The following TRHDE variants were observed in gnomAD, a reference collection of about 807,000 sequenced individuals.
TRHDE encodes thyrotropin releasing hormone degrading enzyme, also known as thyrotropin-releasing hormone-degrading ectoenzyme.
Under a neutral mutation model 125.7 loss-of-function variants are expected in TRHDE, and 72 were observed. The ratio of observed to expected loss-of-function variants is 0.57; its 90% confidence interval spans 0.47 to 0.70. The LOEUF (loss-of-function observed/expected upper bound fraction) is 0.70. TRHDE is among the 30% of genes least tolerant of loss of function. The pLI is 0.00. For missense variants in TRHDE, 1,110 were observed against 1,327.1 expected (o/e 0.84, Z 2.54); for synonymous variants, 509 against 509.1 (o/e 1.00, Z 0.00).
intron 15 of TRHDE, among the ~76,000 whole-genome samples, chr12:72,640,242 A>G (rs1271283439): frequency 6.6e-6 from 1 of 152,330 alleles, no homozygotes; most frequent in Non-Finnish European, 1.5e-5. Context: ...AAAGCACAGT[A>G]TTCGGGTGGG....
chr12:72,515,730 A>C (rs1428661258), intron 6 of TRHDE, among the ~76,000 whole-genome samples: 1 of 151,610 alleles, frequency 6.6e-6, no homozygotes, highest in Non-Finnish European at 1.5e-5. Flanking sequence ...CCTATGTCCT[A>C]AATGGTAATG....
Position 72,335,046 on chromosome 12 carries a change from C to T in TRHDE, c.1189-42949C>T, listed in dbSNP as rs76534729. Among the ~76,000 whole-genome samples the T allele has an allele frequency of 9.7e-4, 148 of 152,312 alleles. 2 individuals carry two copies. In the East Asian group the frequency reaches 0.021, roughly 22 times the overall value. ...TAGGCAGGAGAGATGCCTCTAAGTT[C>T]TTACCTCTGGCCACAGCCTAATCCA... On this transcript the variant is annotated intron_variant, in intron 2 of 18. Coordinates refer to ENST00000261180, the MANE Select transcript of TRHDE (RefSeq NM_013381.3).
chr12:72,146,823 C>T (rs1317561039), intron 2 of TRHDE, among the ~76,000 whole-genome samples: 2 of 152,244 alleles, frequency 1.3e-5, no homozygotes, highest in Non-Finnish European at 2.9e-5. Context: ...AGCTGTTGCC[C>T]AGCATCCCGC....
intron 5 of TRHDE, among the ~76,000 whole-genome samples, chr12:72,480,222 C>G (rs1163925037): frequency 6.7e-6 from 1 of 150,356 alleles, no homozygotes; most frequent in Non-Finnish European, 1.5e-5. Flanking sequence ...GTTCTAGATC[C>G]CTGAGGAATC....
intron 5 of TRHDE, among the ~76,000 whole-genome samples, chr12:72,478,078 T>C (rs1876983062): frequency 6.6e-6 from 1 of 152,210 alleles, no homozygotes; most frequent in Admixed American, 6.5e-5. Context: ...GGCATAAAGA[T>C]AATTATTAAT....
At chr12:72,292,504 T>C (rs1321068486) in intron 2 of TRHDE, among the ~76,000 whole-genome samples, 3 of 152,194 alleles carry the variant, frequency 2.0e-5, no homozygotes, top group Non-Finnish European at 4.4e-5. Context: ...GCACTTTGAG[T>C]GTTTTGCCTG....
At chr12:72,199,497 T>A (rs914770764) in intron 2 of TRHDE, among the ~76,000 whole-genome samples, 6 of 152,282 alleles carry the variant, frequency 3.9e-5, no homozygotes, top group Middle Eastern at 3.4e-3. Context: ...TGTGGTAGCA[T>A]GTTGAAGGGT....
intron 2 of TRHDE, among the ~76,000 whole-genome samples, chr12:72,303,938 T>C (rs1384033549): frequency 6.6e-6 from 1 of 152,124 alleles, no homozygotes; most frequent in African/African-American, 2.4e-5. Flanking sequence ...TATCAGACAG[T>C]TGTTGAACAC....
intron 17 of TRHDE, 140 bp from the exon 18 acceptor site, chr12:72,656,787 G>T: frequency 1.6e-6 from 1 of 638,494 alleles, no homozygotes; most frequent in East Asian, 2.9e-5. Flanking sequence ...TAGAGAAATG[G>T]GCTTGAGTGC....
At position 72,530,567 on chromosome 12, in the gene TRHDE, C is replaced by T. The variant is rs181676459; in HGVS notation, c.1723-11724C>T. Among the ~76,000 whole-genome samples, 132 of 147,180 alleles carry T rather than the reference C, an allele frequency of 9.0e-4. 1 individual carries two copies. Among genetic ancestry groups the T allele is most frequent in the African/African-American group, 2.9e-3 (116 of 40,062 alleles). ...GTTTTTTTTTTTCTTTTTTTGTCTT[C>T]TTCATCTATTCTTGCTCTCTGTGGG... On this transcript the variant is annotated intron_variant, in intron 6 of 18. Transcript: ENST00000261180.
intron 3 of TRHDE, among the ~76,000 whole-genome samples, chr12:72,383,345 G>A (rs868124998): frequency 1.6e-4 from 24 of 151,474 alleles, no homozygotes; most frequent in South Asian, 8.4e-4. Context: ...CACTTTTAAG[G>A]GCTTTGACCA....
At chr12:72,483,517 AG>A (rs2135916318) in intron 5 of TRHDE, among the ~76,000 whole-genome samples, 2 of 152,102 alleles carry the variant, frequency 1.3e-5, no homozygotes, top group African/African-American at 4.8e-5. Flanking sequence ...TATTACCTGC[AG>A]GGTAATCATA....
At chr12:72,178,109 A>C (rs1344979860) in intron 2 of TRHDE, among the ~76,000 whole-genome samples, 2 of 152,154 alleles carry the variant, frequency 1.3e-5, no homozygotes, top group African/African-American at 2.4e-5. Flanking sequence ...GCTTTGATAC[A>C]TCTGCCTCAC....
chr12:72,546,658 C>G (rs549473439), intron 7 of TRHDE, among the ~76,000 whole-genome samples: 1 of 151,450 alleles, frequency 6.6e-6, no homozygotes, highest in East Asian at 1.9e-4. Flanking sequence ...ATACTAAAAC[C>G]CTTAGTAATA....
chr12:72,117,127 C>G (rs1224527462), intron 2 of TRHDE, among the ~76,000 whole-genome samples: 1 of 151,822 alleles, frequency 6.6e-6, no homozygotes, highest in Non-Finnish European at 1.5e-5. Flanking sequence ...CATTGGTTGC[C>G]TGTGCTTGTA....
At chr12:72,449,928 A>G (rs1224183732) in intron 3 of TRHDE, among the ~76,000 whole-genome samples, 1 of 151,840 alleles carries the variant, frequency 6.6e-6, no homozygotes, top group African/African-American at 2.4e-5. Flanking sequence ...TCCTGGATTC[A>G]CAATCTTGGT....
chr12:72,472,636 T>C (rs1876701816), intron 4 of TRHDE, among the ~76,000 whole-genome samples: 1 of 152,200 alleles, frequency 6.6e-6, no homozygotes, highest in Admixed American at 6.5e-5. Flanking sequence ...CATCTCAGTC[T>C]GTTAGAGGGT....
chr12:72,580,329 A>G (rs991932445), intron 12 of TRHDE, among the ~76,000 whole-genome samples: 5 of 152,222 alleles, frequency 3.3e-5, no homozygotes, highest in African/African-American at 7.2e-5. Context: ...ATAAATTTCA[A>G]TGCTTGCAGT....
At position 72,272,799 on chromosome 12, in the gene TRHDE, G is replaced by A. The variant is rs369533965; in HGVS notation, c.156G>A (p.Ala52=). ...FAAAMGEDDA[A]LRAGSRGLSD... ...CCGCGATGGGGGAAGACGACGCCGCGCTTCGGGCTGGCAGCAGGGGGCTCT... is the reference window on the plus strand; with the variant it reads ...CCGCGATGGGGGAAGACGACGCCGCACTTCGGGCTGGCAGCAGGGGGCTCT... Residue 52 remains alanine, a synonymous_variant, in exon 1 of 19, where the codon GCG becomes GCA. Transcript: ENST00000261180. The surrounding 1 kb of genome is among the most constrained non-coding windows in gnomAD (Gnocchi z 6.7). The A allele has an allele frequency of 5.1e-6, 8 of 1,562,220 alleles. No individual in the cohort carries two copies. In the African/African-American group the frequency reaches 9.5e-5, roughly 19 times the overall value.
Sources: gnomAD v4.1 joint callset for allele counts (sites outside exome capture counted in the v4.1 genomes callset) on GRCh38, gnomAD v4.1.1 for gene constraint, Gnocchi (gnomAD v3.1) non-coding constraint, MANE v1.5 for transcripts, NCBI Gene and HGNC (gene_info 2026-07-23, HGNC 2026-07-21) for gene names.